Variants in RORA observed in about 807,000 individuals in gnomAD.
RORA encodes nuclear receptor ROR-alpha.
In RORA, 7 loss-of-function variants were observed where a neutral mutation model predicts 69.5. The ratio of observed to expected loss-of-function variants is 0.10; its 90% CI spans 0.06 to 0.19. The LOEUF is 0.19. Among genes scored for constraint, RORA ranks in the 10% least tolerant of loss-of-function variants. The pLI, the probability that RORA is intolerant of heterozygous loss-of-function variation, is 1.00. For missense variants in RORA, 457 were observed against 663.0 expected, an observed-to-expected ratio of 0.69 and a Z score of 3.41; for synonymous variants, 261 against 240.8, an observed-to-expected ratio of 1.08 and a Z score of -0.78.
intron 1 of RORA, among the ~76,000 whole-genome samples, chr15:60,981,243 C>A (rs763515782): frequency 7.9e-5 from 12 of 151,794 alleles, no homozygotes; most frequent in African/African-American, 2.9e-4. Flanking sequence ...ATTCTCTATT[C>A]GTCTTTGATT....
intron 1 of RORA, among the ~76,000 whole-genome samples, chr15:61,167,278 T>G (rs17303530): frequency 0.11 from 16,418 of 152,188 alleles, 1,027 homozygotes; most frequent in South Asian, 0.18. Flanking sequence ...ATTGAGTCTT[T>G]TCAACTTCCA....
chr15:60,817,985 C>T (rs1244722671), intron 1 of RORA, among the ~76,000 whole-genome samples: 2 of 152,076 alleles, frequency 1.3e-5, no homozygotes, highest in Admixed American at 6.6e-5. Context: ...TAATCCTTCC[C>T]TACCCTCTTT....
At chr15:60,977,247 C>T (rs980735423) in intron 1 of RORA, among the ~76,000 whole-genome samples, 32 of 151,752 alleles carry the variant, frequency 2.1e-4, no homozygotes, top group African/African-American at 7.0e-4. Flanking sequence ...GGGAGGGGGT[C>T]GTAAATGCAA....
At chr15:60,800,001 T>C (rs1393151024) in intron 1 of RORA, among the ~76,000 whole-genome samples, 2 of 152,196 alleles carry the variant, frequency 1.3e-5, no homozygotes, top group East Asian at 3.8e-4. Context: ...GCCAGGGCTG[T>C]GTTATTCACT....
intron 1 of RORA, among the ~76,000 whole-genome samples, chr15:60,907,138 C>T (rs1008942321): frequency 6.6e-6 from 1 of 152,152 alleles, no homozygotes; most frequent in Non-Finnish European, 1.5e-5. Flanking sequence ...TTATCATCAT[C>T]ACCACCATCA....
intron 1 of RORA, among the ~76,000 whole-genome samples, chr15:61,122,772 C>T (rs1308469321): frequency 1.3e-5 from 2 of 152,164 alleles, no homozygotes; most frequent in East Asian, 1.9e-4. Context: ...CTAACGTCCA[C>T]ATCTGTACCA....
At chr15:60,775,928 C>A (rs777223463) in intron 1 of RORA, among the ~76,000 whole-genome samples, 3 of 152,218 alleles carry the variant, frequency 2.0e-5, no homozygotes, top group Non-Finnish European at 4.4e-5. Context: ...GGGGCTTCGA[C>A]TCCTTCTACC....
chr15:60,505,868 G>C (rs1253953599), intron 5 of RORA, among the ~76,000 whole-genome samples: 1 of 152,148 alleles, frequency 6.6e-6, no homozygotes, highest in Non-Finnish European at 1.5e-5. Context: ...AGACCCTCCT[G>C]ACTTTGCCCT....
chr15:60,770,847 A>T (rs1033231853), intron 1 of RORA, among the ~76,000 whole-genome samples: 1 of 152,186 alleles, frequency 6.6e-6, no homozygotes, highest in East Asian at 1.9e-4. Context: ...ATTTAATTTC[A>T]TGGGACTCCT....
chr15:61,152,236 C>G (rs2079403875), intron 1 of RORA, among the ~76,000 whole-genome samples: 1 of 152,118 alleles, frequency 6.6e-6, no homozygotes, highest in Non-Finnish European at 1.5e-5. Flanking sequence ...TCTCTTAAAG[C>G]TTCCCCAACT....
chr15:60,894,084 C>A (rs4775312), intron 1 of RORA, among the ~76,000 whole-genome samples: 10,516 of 152,160 alleles, frequency 0.069, 547 homozygotes, highest in East Asian at 0.24. Flanking sequence ...TCCTCAGAAG[C>A]CATGTCATGG....
intron 1 of RORA, among the ~76,000 whole-genome samples, chr15:60,894,539 T>C (rs1891176292): frequency 1.3e-5 from 2 of 152,124 alleles, no homozygotes; most frequent in Non-Finnish European, 2.9e-5. Context: ...GGTGGTTATT[T>C]TGGAGGATGG....
chr15:60,886,440 A>G (rs1393037456), intron 1 of RORA, among the ~76,000 whole-genome samples: 1 of 152,112 alleles, frequency 6.6e-6, no homozygotes, highest in African/African-American at 2.4e-5. Flanking sequence ...GCCTACAACC[A>G]AGTGCAGAAA....
chr15:60,694,923 G>A (rs549926349), intron 1 of RORA, among the ~76,000 whole-genome samples: 1 of 152,276 alleles, frequency 6.6e-6, no homozygotes, highest in East Asian at 1.9e-4. Context: ...AATGGACAAC[G>A]TATGAACAAT....
chr15:60,576,584 C>A (rs926647934), intron 2 of RORA, among the ~76,000 whole-genome samples: 1 of 152,242 alleles, frequency 6.6e-6, no homozygotes. Context: ...GAAGGTTGGG[C>A]TTTCACATAT....
At chr15:60,978,324 G>C (rs2140357857) in intron 1 of RORA, among the ~76,000 whole-genome samples, 1 of 152,204 alleles carries the variant, frequency 6.6e-6, no homozygotes, top group Admixed American at 6.5e-5. Flanking sequence ...TTGAAGAAAT[G>C]TCTATTCACA....
chr15:60,802,537 G>C (rs1322014741), intron 1 of RORA, among the ~76,000 whole-genome samples: 1 of 152,100 alleles, frequency 6.6e-6, no homozygotes, highest in Non-Finnish European at 1.5e-5. Flanking sequence ...TCCATGTTCC[G>C]AAGGAAGAAC....
intron 1 of RORA, among the ~76,000 whole-genome samples, chr15:60,699,454 T>A (rs1202962397): frequency 6.6e-6 from 1 of 152,212 alleles, no homozygotes; most frequent in African/African-American, 2.4e-5. Context: ...CCGAGAGGTA[T>A]GTCACTGTGT....
intron 1 of RORA, among the ~76,000 whole-genome samples, chr15:61,062,777 G>A (rs1019567387): frequency 6.6e-6 from 1 of 152,132 alleles, no homozygotes; most frequent in Non-Finnish European, 1.5e-5. Flanking sequence ...TTATCCAATT[G>A]AAAAAGCAGT....
Sources: allele counts gnomAD v4.1 joint callset (sites outside exome capture counted in the v4.1 genomes callset), GRCh38; gene constraint gnomAD v4.1.1; transcripts MANE v1.5; gene names NCBI Gene and HGNC (gene_info 2026-07-23, HGNC 2026-07-21).